The following NME8 variants were observed in gnomAD, a reference collection of about 807,000 sequenced individuals.
NME8 encodes protein NME8.
Under a neutral mutation model 82.3 loss-of-function variants are expected in NME8, and 72 were observed. The ratio of observed to expected loss-of-function variants is 0.87; its 90% CI spans 0.72 to 1.06. The LOEUF (loss-of-function observed/expected upper bound fraction) is 1.06, where lower values mean the gene tolerates loss of function less well. Among genes scored for constraint, NME8 ranks in the 50% least tolerant of loss-of-function variants. The probability of loss-of-function intolerance (pLI) is 0.00; values close to 1 mark genes in which losing one functional copy is unlikely to be tolerated. For synonymous variants in NME8, 267 were observed against 228.5 expected, an observed-to-expected ratio of 1.17 and a Z score of -1.52; for missense variants, 712 against 685.4, an observed-to-expected ratio of 1.04 and a Z score of -0.43.
intron 14 of NME8, among the ~76,000 whole-genome samples, chr7:37,887,531 G>C (rs1329931652): frequency 6.6e-6 from 1 of 152,114 alleles, no homozygotes; most frequent in African/African-American, 2.4e-5. Context: ...TTTTATTGTT[G>C]TATTTATATT....
intron 11 of NME8, among the ~76,000 whole-genome samples, chr7:37,871,948 C>G (rs1784772656): frequency 6.6e-6 from 1 of 152,012 alleles, no homozygotes; most frequent in African/African-American, 2.4e-5. Flanking sequence ...TCTTTCCTCT[C>G]CATAGTCAAA....
rs1206126850 is a variant in NME8 at position 37,863,434 on chromosome 7, T to C, written c.426T>C (p.Val142=). Residue 142 remains valine (V), a synonymous_variant, in exon 8 of 18, where the codon GTT becomes GTC. Coordinates refer to ENST00000199447, the MANE Select transcript of NME8 (RefSeq NM_016616.5). ...EIPLVDSDSE[V]SEESPCESVQ... is the part of the protein sequence containing the mutation. ...CATTAGTAGACTCAGATTCAGAAGT[T>C]AGTGAAGAATCACCATGTGAAAGTG... 2 of 1,600,958 alleles carry C rather than the reference T, an allele frequency of 1.2e-6. No homozygotes were observed. The highest frequency in any genetic ancestry group is 1.7e-6 in the Non-Finnish European group (2 of 1,168,162).
chr7:37,890,119 A>C (rs1785106344), intron 15 of NME8, among the ~76,000 whole-genome samples: 1 of 151,782 alleles, frequency 6.6e-6, no homozygotes, highest in African/African-American at 2.4e-5. Flanking sequence ...CTGCTTTCTT[A>C]TTATTTGCAT....
chr7:37,888,295 G>A lies in NME8; in HGVS notation c.1266G>A (p.Ala422=), dbSNP rs371948728. 32 of 1,613,454 alleles carry A rather than the reference G, an allele frequency of 2.0e-5. No individual in the cohort carries two copies. The highest frequency in any genetic ancestry group is 2.7e-5 in the Non-Finnish European group (32 of 1,179,674). ...YFPESLCAQF[A]MDSLPVNQLY... is the part of the protein sequence containing the mutation. Reference sequence around the variant, plus strand: ...TTCAAAGTTTATGTGCACAGTTTGCGATGGACAGTTTGCCGGTCAACCAGT... The same window carrying A: ...TTCAAAGTTTATGTGCACAGTTTGCAATGGACAGTTTGCCGGTCAACCAGT... Residue 422 remains alanine, a synonymous_variant, in exon 15 of 18, where the codon GCG becomes GCA. Coordinates refer to ENST00000199447, the MANE Select transcript of NME8 (RefSeq NM_016616.5).
chr7:37,880,897 A>G (rs575126846), intron 12 of NME8, among the ~76,000 whole-genome samples: 2 of 152,180 alleles, frequency 1.3e-5, no homozygotes, highest in South Asian at 4.1e-4. Flanking sequence ...TAGTGCTAGT[A>G]TAAATTGTTT....
chr7:37,897,195 T>A, intron 17 of NME8, 88 bp downstream of exon 17: 1 of 820,054 alleles, frequency 1.2e-6, no homozygotes, highest in East Asian at 2.7e-5. Flanking sequence ...AGAGAAGAAC[T>A]TTTCCTAAAT....
intron 17 of NME8, among the ~76,000 whole-genome samples, chr7:37,899,480 G>A (rs1444943132): frequency 6.6e-6 from 1 of 151,722 alleles, no homozygotes; most frequent in Non-Finnish European, 1.5e-5. Context: ...TGAATGATGA[G>A]AACACATGGA....
rs1784420027 is a variant in NME8 at position 37,850,253 on chromosome 7, A to G, written c.-7-7A>G. On this transcript the variant is annotated splice_polypyrimidine_tract_variant and splice_region_variant and intron_variant, in intron 2 of 17. Coordinates refer to ENST00000199447, the MANE Select transcript of NME8 (RefSeq NM_016616.5). ...TTAAAAATTTTTCTTTCTTTTTCCT[A>G]TGATAGTAGATAAATGGCAAGCAAA... The G allele has an allele frequency of 1.9e-6, 3 of 1,612,642 alleles. No homozygotes were observed. Among genetic ancestry groups the G allele is most frequent in the Non-Finnish European group, 2.5e-6 (3 of 1,178,720 alleles).
chr7:37,882,555 GAA>G (rs1218274926), intron 12 of NME8, among the ~76,000 whole-genome samples: 7 of 18,144 alleles, frequency 3.9e-4, no homozygotes, highest in African/African-American at 1.4e-4. Context: ...GGGAAAGAAA[GAA>G]AGAAAGAAAG....
intron 12 of NME8, among the ~76,000 whole-genome samples, chr7:37,883,752 T>C (rs181426578): frequency 1.2e-4 from 18 of 152,296 alleles, no homozygotes; most frequent in African/African-American, 4.3e-4. Context: ...TGCCACACTT[T>C]CTGTAAGGAA....
At chr7:37,892,792 T>G (rs1167652264) in intron 15 of NME8, among the ~76,000 whole-genome samples, 1 of 152,072 alleles carries the variant, frequency 6.6e-6, no homozygotes, top group Non-Finnish European at 1.5e-5. Flanking sequence ...AGTTCTGATT[T>G]ATGATTTATG....
intron 11 of NME8, among the ~76,000 whole-genome samples, chr7:37,870,229 T>A (rs923677429): frequency 8.0e-6 from 1 of 125,554 alleles, no homozygotes; most frequent in Non-Finnish European, 1.7e-5. Context: ...CTAACACTAA[T>A]GATAGCTGAT....
chr7:37,855,694 A>G (rs1784501098), intron 5 of NME8, among the ~76,000 whole-genome samples: 1 of 152,202 alleles, frequency 6.6e-6, no homozygotes, highest in Non-Finnish European at 1.5e-5. Flanking sequence ...TTATCAAACC[A>G]TCCTTTGCAG....
chr7:37,859,424 T>C (rs1010881372), intron 6 of NME8, among the ~76,000 whole-genome samples: 1 of 152,230 alleles, frequency 6.6e-6, no homozygotes, highest in Non-Finnish European at 1.5e-5. Context: ...TTTTTGACCA[T>C]GGCTCTGAGC....
intron 5 of NME8, among the ~76,000 whole-genome samples, chr7:37,853,819 A>G (rs182801407): frequency 3.3e-5 from 5 of 151,966 alleles, no homozygotes; most frequent in Non-Finnish European, 4.4e-5. Context: ...TCAGTATACA[A>G]TTTTTTTCTG....
intron 12 of NME8, among the ~76,000 whole-genome samples, chr7:37,878,950 G>A (rs1192863842): frequency 6.6e-6 from 1 of 151,940 alleles, no homozygotes; most frequent in African/African-American, 2.4e-5. Context: ...AATGCATAAT[G>A]TCAGGTATTC....
intron 17 of NME8, among the ~76,000 whole-genome samples, chr7:37,899,424 G>A (rs1401683706): frequency 1.3e-5 from 2 of 152,046 alleles, no homozygotes; most frequent in Non-Finnish European, 2.9e-5. Flanking sequence ...AACTAATGAA[G>A]GAACAGAAAA....
In NME8 at chr7:37,863,316, A is replaced by G. The variant is rs184794983; in HGVS notation, c.388-80A>G. 7.4e-6 allele frequency: 6 copies of G among 810,898 alleles called. No individual in the cohort carries two copies. In the African/African-American group the frequency reaches 8.4e-5, roughly 11 times the overall value. 50.2% of individuals were successfully genotyped at this position (810,898 alleles called of 1,614,324 possible). A position where few individuals can be genotyped will look rare whatever the true frequency, so the allele number is the denominator to read the frequency against. On this transcript the variant is annotated intron_variant, in intron 7 of 17. Coordinates refer to ENST00000199447, the MANE Select transcript of NME8 (RefSeq NM_016616.5). Reference sequence around the variant, plus strand: ...TTCTTAGACTATAAATATTTACTAGATACAAAATTTCTAAAAACCCACTCA... The same window carrying G: ...TTCTTAGACTATAAATATTTACTAGGTACAAAATTTCTAAAAACCCACTCA...
intron 10 of NME8, among the ~76,000 whole-genome samples, 163 bp from the exon 11 acceptor site, chr7:37,867,539 C>T (rs1039467792): frequency 6.6e-6 from 1 of 151,970 alleles, no homozygotes; most frequent in African/African-American, 2.4e-5. Context: ...TAAAAACCCC[C>T]AAACAATAAA....
Sources: allele counts gnomAD v4.1 joint callset (sites outside exome capture counted in the v4.1 genomes callset), GRCh38; gene constraint gnomAD v4.1.1; transcripts MANE v1.5; gene names NCBI Gene and HGNC (gene_info 2026-07-23, HGNC 2026-07-21).